KIF16B: variants seen among roughly 807,000 people sequenced by gnomAD.
The protein encoded by KIF16B is kinesin-like protein KIF16B.
In KIF16B, 98 loss-of-function variants were observed where a neutral mutation model predicts 156.3. The observed-to-expected ratio is 0.63, with a 90% CI of 0.53 to 0.74. KIF16B has a LOEUF of 0.74. Ranked by LOEUF, KIF16B falls within the 30% of genes least tolerant of loss-of-function variation. The probability of loss-of-function intolerance (pLI) is 0.00; values close to 1 mark genes in which losing one functional copy is unlikely to be tolerated. For missense variants in KIF16B, 1,421 were observed against 1,606.5 expected, an observed-to-expected ratio of 0.88 and a Z score of 1.97; for synonymous variants, 564 against 583.7, an observed-to-expected ratio of 0.97 and a Z score of 0.49.
intron 25 of KIF16B, among the ~76,000 whole-genome samples, chr20:16,303,185 T>C (rs569332563): frequency 1.7e-3 from 266 of 152,336 alleles, no homozygotes; most frequent in Non-Finnish European, 3.2e-3. Context: ...CTATATAAGA[T>C]GGGTAATATT....
chr20:16,567,703 C>A (rs763236660), intron 1 of KIF16B, among the ~76,000 whole-genome samples: 6 of 152,188 alleles, frequency 3.9e-5, no homozygotes, highest in Non-Finnish European at 5.9e-5. Flanking sequence ...GTAATACCAG[C>A]ACTTGGGGAG....
intron 1 of KIF16B, among the ~76,000 whole-genome samples, chr20:16,536,521 C>G (rs2069971685): frequency 6.6e-6 from 1 of 152,118 alleles, no homozygotes; most frequent in Non-Finnish European, 1.5e-5. Flanking sequence ...AGAAATGATA[C>G]TCCAGTGATG....
chr20:16,488,820 T>C (rs1043762932), intron 12 of KIF16B, among the ~76,000 whole-genome samples: 1 of 152,178 alleles, frequency 6.6e-6, no homozygotes, highest in Non-Finnish European at 1.5e-5. Flanking sequence ...AAAATCACAC[T>C]GAGGCAGCAT....
At chr20:16,524,674 G>T (rs989873029) in intron 3 of KIF16B, among the ~76,000 whole-genome samples, 1 of 152,078 alleles carries the variant, frequency 6.6e-6, no homozygotes, top group Admixed American at 6.6e-5. Context: ...TCCCATTACT[G>T]GTTATATACC....
intron 25 of KIF16B, among the ~76,000 whole-genome samples, chr20:16,294,170 G>C (rs978386745): frequency 2.0e-5 from 3 of 152,064 alleles, no homozygotes; most frequent in Non-Finnish European, 4.4e-5. Flanking sequence ...TTTTAAAAAT[G>C]TCACTAAAAT....
rs181301336 is a variant in KIF16B, at chr20:16,399,644, G to A, written c.1784+5169C>T. 6.1e-3 allele frequency among the ~76,000 whole-genome samples: 928 copies of A among 152,278 alleles called. 2 individuals are homozygous for A. The highest frequency in any genetic ancestry group is 9.3e-3 in the Non-Finnish European group (631 of 68,016). Reference sequence around the variant, plus strand: ...TCCCATGGGGTGTCTGATCGTTGACGGAGTCATAGTCACTTACAGGAGAAA... The same window carrying A: ...TCCCATGGGGTGTCTGATCGTTGACAGAGTCATAGTCACTTACAGGAGAAA... On this transcript the variant is annotated intron_variant, in intron 17 of 25. Coordinates refer to ENST00000354981, the MANE Select transcript of KIF16B (RefSeq NM_024704.5).
At position 16,406,429 on chromosome 20, in the gene KIF16B, T is replaced by C. The variant is rs773734261; in HGVS notation, c.1640A>G (p.Asn547Ser). 50 of 1,613,370 alleles carry C rather than the reference T, an allele frequency of 3.1e-5. No individual in the cohort carries two copies. The South Asian group carries it at 5.2e-4, about 17-fold the overall frequency. ...QGAVILLGRT[N>S]MFRFNHPKEA... ...CTTTGGATGGTTAAAGCGAAACATA[T>C]TGGTTCTTCCCAAGAGAATCACAGC... Residue 547 changes from asparagine (N) to serine (S), a missense_variant, in exon 16 of 26, where the codon AAT (asparagine) becomes AGT (serine). Transcript: ENST00000354981.
In KIF16B at chr20:16,379,399, T is replaced by A; in HGVS notation, c.2603A>T (p.His868Leu). 6.2e-7 allele frequency: 1 copy of A among 1,607,242 alleles called. No individual in the cohort carries two copies. Among genetic ancestry groups the A allele is most frequent in the African/African-American group, 1.3e-5 (1 of 74,584 alleles). Residue 868 changes from histidine (H) to leucine (L), a missense_variant, in exon 19 of 26, where the codon CAT becomes CTT. By Grantham distance (99) the His-to-Leu change is moderately conservative. Coordinates refer to ENST00000354981, the MANE Select transcript of KIF16B (RefSeq NM_024704.5). ...QEILECLKCE[H>L]DKESRLLEKH... ...TTCCAACAATCTAGATTCTTTGTCA[T>A]GTTCACATTTTAAACACTCTAGGAT... is the stretch of plus-strand genomic sequence containing the variant.
At chr20:16,551,302 G>A (rs2070653708) in intron 1 of KIF16B, among the ~76,000 whole-genome samples, 1 of 152,100 alleles carries the variant, frequency 6.6e-6, no homozygotes, top group Non-Finnish European at 1.5e-5. Context: ...GGCTAGTTTT[G>A]TATTTTTAGT....
intron 1 of KIF16B, among the ~76,000 whole-genome samples, chr20:16,536,352 G>A (rs758722617): frequency 2.6e-5 from 4 of 152,056 alleles, no homozygotes; most frequent in Non-Finnish European, 5.9e-5. Context: ...GTACGGGGGT[G>A]GGGGGAGTGA....
chr20:16,477,787 G>C (rs2067861667), intron 12 of KIF16B, among the ~76,000 whole-genome samples: 2 of 152,180 alleles, frequency 1.3e-5, no homozygotes, highest in Admixed American at 6.5e-5. Flanking sequence ...TACTTGGCAG[G>C]AAGAACTTTG....
intron 12 of KIF16B, among the ~76,000 whole-genome samples, chr20:16,441,663 T>C (rs1020467390): frequency 6.6e-6 from 1 of 152,158 alleles, no homozygotes; most frequent in African/African-American, 2.4e-5. Flanking sequence ...GAATTTTACA[T>C]CCAGGGTTGG....
At chr20:16,442,013 A>T (rs1198730162) in intron 12 of KIF16B, among the ~76,000 whole-genome samples, 4 of 152,200 alleles carry the variant, frequency 2.6e-5, no homozygotes, top group African/African-American at 9.6e-5. Context: ...ACGGGGATGC[A>T]TTCTGAGAAA....
intron 23 of KIF16B, among the ~76,000 whole-genome samples, chr20:16,345,193 G>A (rs2064209796): frequency 6.6e-6 from 1 of 152,278 alleles, no homozygotes. Flanking sequence ...GCTCCATGCT[G>A]CTCAATTTTT....
chr20:16,363,437 T>C (rs762982371), intron 22 of KIF16B, among the ~76,000 whole-genome samples: 1 of 152,196 alleles, frequency 6.6e-6, no homozygotes, highest in Non-Finnish European at 1.5e-5. Flanking sequence ...TTATCTGTAA[T>C]AGAGCTTTGG....
At chr20:16,361,400 T>C (rs2064549590) in intron 22 of KIF16B, among the ~76,000 whole-genome samples, 2 of 152,186 alleles carry the variant, frequency 1.3e-5, no homozygotes, top group African/African-American at 4.8e-5. Context: ...ATATGGTAAA[T>C]AACCAGACAG....
intron 17 of KIF16B, among the ~76,000 whole-genome samples, chr20:16,402,872 A>C (rs1043240192): frequency 6.6e-5 from 10 of 152,336 alleles, no homozygotes; most frequent in African/African-American, 2.2e-4. Flanking sequence ...CACTGAGGAA[A>C]ACTATTTGAA....
intron 22 of KIF16B, chr20:16,367,100 T>C: frequency 2.0e-6 from 3 of 1,499,668 alleles, no homozygotes; most frequent in Non-Finnish European, 2.7e-6. Context: ...GCTTATTTTA[T>C]TAATGATCTC....
chr20:16,290,310 C>T (rs1194630094), intron 25 of KIF16B, among the ~76,000 whole-genome samples: 1 of 152,210 alleles, frequency 6.6e-6, no homozygotes, highest in Non-Finnish European at 1.5e-5. Flanking sequence ...AGGGGAACTC[C>T]ACAACTGGAT....
Sources: allele counts gnomAD v4.1 joint callset (sites outside exome capture counted in the v4.1 genomes callset), GRCh38; gene constraint gnomAD v4.1.1; transcripts MANE v1.5; gene names NCBI Gene and HGNC (gene_info 2026-07-23, HGNC 2026-07-21).